The following BRINP1 variants were observed in gnomAD, a reference collection of about 807,000 sequenced individuals.
The protein encoded by BRINP1 is BMP/retinoic acid inducible neural specific 1, also known as BMP/retinoic acid-inducible neural-specific protein 1.
BRINP1 carries 17 observed loss-of-function variants against 72.9 expected under a neutral mutation model. That is an observed-to-expected ratio of 0.23 (90% CI 0.16 to 0.35). BRINP1 has a LOEUF of 0.35. BRINP1 is among the 10% of genes least tolerant of loss of function. The pLI is 1.00. For synonymous variants in BRINP1, 418 were observed against 378.5 expected (o/e 1.10, Z -1.21); for missense variants, 850 against 1,001.6 (o/e 0.85, Z 2.04).
intron 1 of BRINP1, among the ~76,000 whole-genome samples, chr9:119,318,938 A>C (rs1201185537): frequency 6.6e-6 from 1 of 151,508 alleles, no homozygotes; most frequent in East Asian, 1.9e-4. Context: ...AATTTGGAAG[A>C]TTTAACTCGT....
At chr9:119,168,428 C>G (rs751957846) in intron 7 of BRINP1, among the ~76,000 whole-genome samples, 9 of 152,152 alleles carry the variant, frequency 5.9e-5, no homozygotes, top group Non-Finnish European at 4.4e-5. Flanking sequence ...TGCATGACAT[C>G]GTACTTTACC....
At chr9:119,169,474 G>A (rs1007775151) in intron 7 of BRINP1, among the ~76,000 whole-genome samples, 1 of 152,236 alleles carries the variant, frequency 6.6e-6, no homozygotes, top group African/African-American at 2.4e-5. Flanking sequence ...CTGGCTCGGA[G>A]GGTCCTACGC....
chr9:119,363,724 C>A (rs535477985), intron 1 of BRINP1, among the ~76,000 whole-genome samples: 74 of 152,294 alleles, frequency 4.9e-4, no homozygotes, highest in Admixed American at 1.8e-3. Context: ...AAGCCCAGAC[C>A]TGTGCTATTC....
At chr9:119,206,523 C>G (rs974144964) in intron 7 of BRINP1, among the ~76,000 whole-genome samples, 4 of 151,766 alleles carry the variant, frequency 2.6e-5, no homozygotes, top group African/African-American at 9.7e-5. Context: ...AACAACCATC[C>G]ACAAGCCAGA....
rs577375942 is a variant in BRINP1, at chr9:119,318,257, T to C, written c.-50-4852A>G. The stretch of plus-strand genomic sequence containing the variant: ...AAACAATTTGTCAACTGTAAACCCA[T>C]CTATATACATGATTAAATATGACAC... On this transcript the variant is annotated intron_variant, in intron 1 of 7. Coordinates refer to ENST00000265922, the MANE Select transcript of BRINP1 (RefSeq NM_014618.3). 5.3e-5 allele frequency among the ~76,000 whole-genome samples: 8 copies of C among 152,324 alleles called. No homozygotes were observed. In the South Asian group the frequency reaches 1.4e-3, roughly 28 times the overall value.
At chr9:119,170,578 C>T (rs1292070999) in intron 7 of BRINP1, among the ~76,000 whole-genome samples, 1 of 151,814 alleles carries the variant, frequency 6.6e-6, no homozygotes, top group Non-Finnish European at 1.5e-5. Context: ...TCCAGGAGAA[C>T]TTCCCCAATC....
intron 7 of BRINP1, among the ~76,000 whole-genome samples, chr9:119,188,046 T>C (rs1450510679): frequency 6.6e-6 from 1 of 151,568 alleles, no homozygotes; most frequent in East Asian, 1.9e-4. Flanking sequence ...TTAAAAAGAG[T>C]GAATAAAGTA....
At chr9:119,177,798 T>TGG (rs1013324932) in intron 7 of BRINP1, among the ~76,000 whole-genome samples, 4 of 152,180 alleles carry the variant, frequency 2.6e-5, no homozygotes, top group Admixed American at 1.3e-4. Context: ...CAGGAGGAAT[T>TGG]GGGGACAGAG....
intron 6 of BRINP1, among the ~76,000 whole-genome samples, chr9:119,212,201 C>G (rs1441154780): frequency 6.6e-6 from 1 of 152,174 alleles, no homozygotes; most frequent in Non-Finnish European, 1.5e-5. Context: ...CTGTACAGCA[C>G]TGTAGGAGCA....
chr9:119,280,367 T>C (rs1180201633), intron 2 of BRINP1, among the ~76,000 whole-genome samples: 1 of 151,508 alleles, frequency 6.6e-6, no homozygotes, highest in Admixed American at 6.6e-5. Context: ...GTCTCCCGAG[T>C]AGCTGGGACT....
At chr9:119,343,169 G>A (rs1020897315) in intron 1 of BRINP1, among the ~76,000 whole-genome samples, 1 of 152,190 alleles carries the variant, frequency 6.6e-6, no homozygotes, top group African/African-American at 2.4e-5. Context: ...CTGCTGTGCT[G>A]TGTCCAAGAT....
chr9:119,242,767 T>C (rs535864289), intron 3 of BRINP1, among the ~76,000 whole-genome samples: 2 of 152,332 alleles, frequency 1.3e-5, no homozygotes, highest in Non-Finnish European at 2.9e-5. Flanking sequence ...ATGATAGACA[T>C]GTTTAAATAA....
chr9:119,315,883 TCCA>T (rs1284979873), intron 1 of BRINP1, among the ~76,000 whole-genome samples: 3 of 152,044 alleles, frequency 2.0e-5, no homozygotes, highest in Non-Finnish European at 4.4e-5. Flanking sequence ...TCTCTCCAAT[TCCA>T]TGAAGGATGA....
At chr9:119,357,041 G>A (rs1831575984) in intron 1 of BRINP1, among the ~76,000 whole-genome samples, 1 of 152,064 alleles carries the variant, frequency 6.6e-6, no homozygotes, top group South Asian at 2.1e-4. Context: ...ACATTTATTG[G>A]TCACATGTGT....
At position 119,206,419 on chromosome 9, in the gene BRINP1, C is replaced by CAAA. The variant is rs56106482; in HGVS notation, c.1145+2297_1145+2299dup. On this transcript the variant is annotated intron_variant, in intron 7 of 7. Coordinates refer to ENST00000265922, the MANE Select transcript of BRINP1 (RefSeq NM_014618.3). ...TGGGCAACAAAGCGAGACTCCATCTCAAAAAAAAAAAAAAAAAAAAAAGAG... is the reference window on the plus strand; with the variant it reads ...TGGGCAACAAAGCGAGACTCCATCTCAAAAAAAAAAAAAAAAAAAAAAAAAGAG... 4.4e-3 allele frequency among the ~76,000 whole-genome samples: 382 copies of CAAA among 86,834 alleles called. 8 individuals are homozygous for CAAA. The highest frequency in any genetic ancestry group is 0.01 in the African/African-American group (234 of 23,022). The allele number at this position is 86,834 out of a possible 152,430, so 57.0% of individuals were successfully genotyped here.
intron 7 of BRINP1, among the ~76,000 whole-genome samples, chr9:119,193,584 T>C (rs994347611): frequency 6.6e-5 from 10 of 152,226 alleles, no homozygotes; most frequent in African/African-American, 2.2e-4. Context: ...CTAGGTGAGA[T>C]GATAGCTATG....
intron 6 of BRINP1, among the ~76,000 whole-genome samples, chr9:119,210,616 A>AAAAAGGGC (rs1285293764): frequency 6.6e-6 from 1 of 152,146 alleles, no homozygotes; most frequent in Non-Finnish European, 1.5e-5. Context: ...CTCGACACAT[A>AAAAAGGGC]AAAAGGGCAA....
At chr9:119,238,622 CA>C (rs1830214526) in intron 5 of BRINP1, 32 bp downstream of exon 5, 1 of 1,396,452 alleles carries the variant, frequency 7.2e-7, no homozygotes, top group African/African-American at 1.4e-5. Context: ...ATGTTTCCCC[CA>C]ACTGACCCCA....
At chr9:119,250,624 C>T (rs1398390073) in intron 2 of BRINP1, among the ~76,000 whole-genome samples, 1 of 152,216 alleles carries the variant, frequency 6.6e-6, no homozygotes, top group East Asian at 1.9e-4. Flanking sequence ...AGTTCCCAGA[C>T]ATGTACATGT....
Sources: gnomAD v4.1 joint callset for allele counts (sites outside exome capture counted in the v4.1 genomes callset) on GRCh38, gnomAD v4.1.1 for gene constraint, MANE v1.5 for transcripts, NCBI Gene and HGNC (gene_info 2026-07-23, HGNC 2026-07-21) for gene names.